The following MTUS2 variants were observed in gnomAD, a reference collection of about 807,000 sequenced individuals.
MTUS2 encodes microtubule-associated tumor suppressor candidate 2.
In MTUS2, 40 loss-of-function variants were observed where a neutral mutation model predicts 114.1. The ratio of observed to expected loss-of-function variants is 0.35; its 90% confidence interval spans 0.27 to 0.46. The LOEUF is 0.46. Ranked by LOEUF, MTUS2 falls within the 20% of genes least tolerant of loss-of-function variation. MTUS2 has a pLI of 1.00. For missense variants in MTUS2, 1,679 were observed against 1,705.4 expected, an observed-to-expected ratio of 0.98 and a Z score of 0.27; for synonymous variants, 688 against 672.0, an observed-to-expected ratio of 1.02 and a Z score of -0.37.
At chr13:29,455,283 G>A (rs1879024244) in intron 9 of MTUS2, among the ~76,000 whole-genome samples, 1 of 152,166 alleles carries the variant, frequency 6.6e-6, no homozygotes, top group African/African-American at 2.4e-5. Flanking sequence ...CATATTCAGA[G>A]GGCCTGCAGG....
chr13:29,288,028 T>G (rs1214154466), intron 6 of MTUS2, among the ~76,000 whole-genome samples: 1 of 152,216 alleles, frequency 6.6e-6, no homozygotes, highest in African/African-American at 2.4e-5. Context: ...ATACTGCCCT[T>G]AGTGACTAGA....
chr13:29,245,991 C>T lies in MTUS2; in HGVS notation c.2645-35713C>T, dbSNP rs185940083. Among the ~76,000 whole-genome samples the T allele has an allele frequency of 2.0e-5, 3 of 152,316 alleles. No individual in the cohort carries two copies. In the East Asian group the frequency reaches 5.8e-4, roughly 29 times the overall value. On this transcript the variant is annotated intron_variant, in intron 5 of 15. Transcript: ENST00000612955. Reference sequence around the variant, plus strand: ...GGATTACAGGCGTGAGCCACCGCGCCCAGCCTCATCTATTTTAATATTACC... The same window carrying T: ...GGATTACAGGCGTGAGCCACCGCGCTCAGCCTCATCTATTTTAATATTACC...
At chr13:29,267,955 A>G (rs1443540484) in intron 5 of MTUS2, among the ~76,000 whole-genome samples, 1 of 152,184 alleles carries the variant, frequency 6.6e-6, no homozygotes, top group Non-Finnish European at 1.5e-5. Context: ...TTGGTAACTA[A>G]GAGATCATTT....
At chr13:28,998,786 A>C (rs146245653) in intron 2 of MTUS2, among the ~76,000 whole-genome samples, 1 of 152,050 alleles carries the variant, frequency 6.6e-6, no homozygotes, top group South Asian at 2.1e-4. Context: ...CTAGTTATCT[A>C]TTCGTCTAAT....
At chr13:29,423,843 G>A (rs1184340286) in intron 8 of MTUS2, among the ~76,000 whole-genome samples, 2 of 151,700 alleles carry the variant, frequency 1.3e-5, no homozygotes, top group African/African-American at 4.8e-5. Flanking sequence ...AGCACAGTAG[G>A]GTGACTGTAG....
chr13:28,828,562 T>G (rs1292739375), intron 1 of MTUS2, among the ~76,000 whole-genome samples: 1 of 152,224 alleles, frequency 6.6e-6, no homozygotes, highest in African/African-American at 2.4e-5. Flanking sequence ...GGGGAACTAA[T>G]AAATGTCCAT....
chr13:29,269,794 G>A (rs1370712420), intron 5 of MTUS2, among the ~76,000 whole-genome samples: 1 of 152,156 alleles, frequency 6.6e-6, no homozygotes, highest in South Asian at 2.1e-4. Context: ...TAATAGTCAC[G>A]ATGTGGAAAC....
At chr13:29,046,069 C>T (rs1224128408) in intron 4 of MTUS2, among the ~76,000 whole-genome samples, 2 of 152,038 alleles carry the variant, frequency 1.3e-5, no homozygotes, top group Non-Finnish European at 1.5e-5. Flanking sequence ...ATCTAGACAC[C>T]CCACTATTCT....
chr13:28,918,174 C>T (rs1042117472), intron 2 of MTUS2, among the ~76,000 whole-genome samples: 50 of 151,914 alleles, frequency 3.3e-4, no homozygotes, highest in African/African-American at 1.2e-3. Context: ...ATGTTTTGTA[C>T]ATATCTGTTA....
chr13:29,385,462 G>T (rs918881489), intron 8 of MTUS2, among the ~76,000 whole-genome samples: 1 of 152,294 alleles, frequency 6.6e-6, no homozygotes, highest in South Asian at 2.1e-4. Context: ...CAATTAGAAC[G>T]CTCCATAAAC....
At chr13:28,984,572 G>A (rs1884495442) in intron 2 of MTUS2, among the ~76,000 whole-genome samples, 1 of 152,210 alleles carries the variant, frequency 6.6e-6, no homozygotes, top group Admixed American at 6.5e-5. Flanking sequence ...CTACGATAGA[G>A]TTGTTTGGAA....
chr13:29,473,557 A>G (rs566326232), intron 9 of MTUS2, among the ~76,000 whole-genome samples: 1 of 152,330 alleles, frequency 6.6e-6, no homozygotes, highest in East Asian at 1.9e-4. Context: ...GTAGATTGAT[A>G]TCTTTATATA....
chr13:28,994,745 GT>G (rs1444756508), intron 2 of MTUS2, among the ~76,000 whole-genome samples: 1 of 152,046 alleles, frequency 6.6e-6, no homozygotes, highest in Non-Finnish European at 1.5e-5. Context: ...TTTTGATGGG[GT>G]TGTTTGTTTT....
intron 7 of MTUS2, among the ~76,000 whole-genome samples, chr13:29,345,022 A>C (rs1378495183): frequency 6.6e-6 from 1 of 152,186 alleles, no homozygotes; most frequent in Non-Finnish European, 1.5e-5. Flanking sequence ...CTGCTGAAAA[A>C]TTCGCTGTTA....
intron 5 of MTUS2, among the ~76,000 whole-genome samples, chr13:29,122,132 T>A (rs566750359): frequency 1.4e-4 from 22 of 152,288 alleles, no homozygotes; most frequent in Admixed American, 1.4e-3. Flanking sequence ...AAACAGCCCC[T>A]GGATTGAGTC....
In MTUS2 at chr13:29,340,104, T is replaced by C. The variant is rs1271178741; in HGVS notation, c.2905+15393T>C. Among the ~76,000 whole-genome samples, 3 of 152,328 alleles carry C rather than the reference T, an allele frequency of 2.0e-5. No homozygotes were observed. The East Asian group carries it at 5.8e-4, about 29-fold the overall frequency. On this transcript the variant is annotated intron_variant, in intron 7 of 15. Transcript: ENST00000612955. Reference sequence around the variant, plus strand: ...AGCTGGCACCCTCTGGCCATAGGGTTCCGCACGGGCCAGGCCGGTGCCTCG... The same window carrying C: ...AGCTGGCACCCTCTGGCCATAGGGTCCCGCACGGGCCAGGCCGGTGCCTCG...
At chr13:28,916,748 A>C (rs1469871844) in intron 2 of MTUS2, among the ~76,000 whole-genome samples, 2 of 151,458 alleles carry the variant, frequency 1.3e-5, no homozygotes, top group African/African-American at 4.8e-5. Context: ...TCCAATTTTC[A>C]TGCTCTTTAT....
intron 6 of MTUS2, chr13:29,307,558 G>T (rs1235091424): frequency 2.4e-6 from 3 of 1,246,446 alleles, no homozygotes; most frequent in South Asian, 1.2e-5. Context: ...CATCAAGAAG[G>T]TGGTAAAGCA....
chr13:29,274,940 G>A lies in MTUS2; in HGVS notation c.2645-6764G>A, dbSNP rs148800519. ...TGTAGAGACAGGGTCTCACTATGTT[G>A]CCTAGGCTAGTCTCAAACTCTGGCC... On this transcript the variant is annotated intron_variant, in intron 5 of 15. Transcript: ENST00000612955. 3.5e-3 allele frequency among the ~76,000 whole-genome samples: 527 copies of A among 151,756 alleles called. 2 individuals are homozygous for A. Among genetic ancestry groups the A allele is most frequent in the African/African-American group, 0.012 (484 of 41,436 alleles).
Sources: gnomAD v4.1 joint callset for allele counts (sites outside exome capture counted in the v4.1 genomes callset) on GRCh38, gnomAD v4.1.1 for gene constraint, MANE v1.5 for transcripts, NCBI Gene and HGNC (gene_info 2026-07-23, HGNC 2026-07-21) for gene names.